ADARB2: variants seen among roughly 807,000 people sequenced by gnomAD.
ADARB2 encodes the protein inactive double-stranded RNA-specific editase B2.
ADARB2 carries 25 observed loss-of-function variants against 62.2 expected under a neutral mutation model. The observed-to-expected ratio is 0.40, with a 90% confidence interval of 0.29 to 0.56. ADARB2 has a LOEUF of 0.56. Ranked by LOEUF, ADARB2 falls within the 20% of genes least tolerant of loss-of-function variation. The pLI is 0.43. For missense variants in ADARB2, 1,071 were observed against 1,077.4 expected, an observed-to-expected ratio of 0.99 and a Z score of 0.08; for synonymous variants, 572 against 500.8, an observed-to-expected ratio of 1.14 and a Z score of -1.90.
At chr10:1,362,392 G>A (rs186768919) in intron 3 of ADARB2, among the ~76,000 whole-genome samples, 168 of 152,302 alleles carry the variant, frequency 1.1e-3, no homozygotes, top group African/African-American at 3.9e-3. Flanking sequence ...TGCTCAAGGC[G>A]CCAAGAACCT....
chr10:1,591,696 C>T (rs10219006), intron 1 of ADARB2, among the ~76,000 whole-genome samples: 3,062 of 152,090 alleles, frequency 0.02, 104 homozygotes, highest in African/African-American at 0.069. Flanking sequence ...CTCACCAGGA[C>T]CCCCCCACCT....
chr10:1,715,028 G>C (rs1231467038), intron 1 of ADARB2, among the ~76,000 whole-genome samples: 1 of 128,488 alleles, frequency 7.8e-6, no homozygotes, highest in East Asian at 2.3e-4. Flanking sequence ...ACAGTCCCCG[G>C]TGTGTGATGT....
intron 1 of ADARB2, among the ~76,000 whole-genome samples, chr10:1,648,597 A>C (rs10794782): frequency 6.6e-6 from 1 of 151,912 alleles, no homozygotes; most frequent in South Asian, 2.1e-4. Context: ...CATACGTATA[A>C]GCGATCAAGA....
intron 1 of ADARB2, among the ~76,000 whole-genome samples, chr10:1,503,104 C>T (rs1284128839): frequency 6.6e-6 from 1 of 152,222 alleles, no homozygotes; most frequent in Admixed American, 6.5e-5. Context: ...GCTATCTCCA[C>T]TATTTAGAGC....
intron 1 of ADARB2, among the ~76,000 whole-genome samples, chr10:1,676,898 C>T (rs906133863): frequency 1.3e-5 from 2 of 152,114 alleles, no homozygotes; most frequent in African/African-American, 4.8e-5. Context: ...GAAACTCAGA[C>T]CTCATGGGTC....
chr10:1,293,508 C>G (rs1032229742), intron 3 of ADARB2, among the ~76,000 whole-genome samples: 7 of 152,188 alleles, frequency 4.6e-5, no homozygotes, highest in African/African-American at 1.7e-4. Context: ...TTGTGAGCAT[C>G]TCGATTTTTC....
intron 4 of ADARB2, among the ~76,000 whole-genome samples, chr10:1,254,055 G>A (rs1012731362): frequency 3.3e-5 from 5 of 151,660 alleles, no homozygotes; most frequent in African/African-American, 7.3e-5. Flanking sequence ...GGGTGAGGTC[G>A]GCTCTGTGGT....
intron 1 of ADARB2, among the ~76,000 whole-genome samples, chr10:1,562,244 TG>T (rs2131986816): frequency 6.6e-6 from 1 of 151,972 alleles, no homozygotes; most frequent in African/African-American, 2.4e-5. Context: ...CATTCTCCTG[TG>T]AGCGTGTTCG....
At chr10:1,436,931 G>A (rs1444809490) in intron 1 of ADARB2, among the ~76,000 whole-genome samples, 1 of 151,862 alleles carries the variant, frequency 6.6e-6, no homozygotes, top group Non-Finnish European at 1.5e-5. Context: ...ATGCTATTTG[G>A]ATAAAAAAAT....
At chr10:1,253,990 TGGTTA>T (rs1480756475) in intron 4 of ADARB2, among the ~76,000 whole-genome samples, 3 of 150,598 alleles carry the variant, frequency 2.0e-5, no homozygotes, top group Non-Finnish European at 4.4e-5. Flanking sequence ...GTGGGCTCTG[TGGTTA>T]GGTTAGAATA....
intron 3 of ADARB2, among the ~76,000 whole-genome samples, chr10:1,299,023 G>C (rs542390784): frequency 7.2e-5 from 11 of 152,096 alleles, no homozygotes; most frequent in African/African-American, 2.2e-4. Flanking sequence ...GGGATGACAG[G>C]TGTGAGCCAC....
At chr10:1,316,832 A>G (rs1184261974) in intron 3 of ADARB2, among the ~76,000 whole-genome samples, 3 of 152,240 alleles carry the variant, frequency 2.0e-5, no homozygotes, top group African/African-American at 7.2e-5. Context: ...AAATACTAAA[A>G]TGATAGATTT....
intron 3 of ADARB2, among the ~76,000 whole-genome samples, chr10:1,331,368 G>C (rs58358801): frequency 1.3e-5 from 2 of 152,210 alleles, no homozygotes; most frequent in African/African-American, 4.8e-5. Context: ...GGATGGATCA[G>C]CTGACAAATG....
intron 1 of ADARB2, among the ~76,000 whole-genome samples, chr10:1,433,033 A>C (rs1830793102): frequency 6.6e-6 from 1 of 152,190 alleles, no homozygotes. Flanking sequence ...CAAGCCAAAA[A>C]AATCTCCCAT....
chr10:1,588,610 T>G (rs1253751602), intron 1 of ADARB2, among the ~76,000 whole-genome samples: 1 of 152,084 alleles, frequency 6.6e-6, no homozygotes, highest in African/African-American at 2.4e-5. Context: ...AGAGAAAACC[T>G]TTCTATGCCT....
At chr10:1,199,214 A>ACCCCCC (rs35859427) in intron 8 of ADARB2, among the ~76,000 whole-genome samples, 1 of 150,574 alleles carries the variant, frequency 6.6e-6, no homozygotes, top group African/African-American at 2.5e-5. Context: ...TCGGAAACCC[A>ACCCCCC]CCCCCCCGCT....
intron 3 of ADARB2, among the ~76,000 whole-genome samples, chr10:1,332,417 GAA>G (rs59497955): frequency 2.6e-4 from 28 of 108,156 alleles, no homozygotes; most frequent in African/African-American, 3.7e-4. Context: ...CCTTGTCTCA[GAA>G]AAAAAAAAAA....
chr10:1,355,406 T>A (rs966743946), intron 3 of ADARB2, among the ~76,000 whole-genome samples: 1 of 152,218 alleles, frequency 6.6e-6, no homozygotes, highest in African/African-American at 2.4e-5. Flanking sequence ...GACTAGACTT[T>A]GGACGTGGGA....
chr10:1,380,529 C>G (rs2820605), intron 1 of ADARB2, among the ~76,000 whole-genome samples: 5 of 152,170 alleles, frequency 3.3e-5, no homozygotes, highest in African/African-American at 1.2e-4. Flanking sequence ...GGCCTTCAGG[C>G]GTCCAGACTC....
Sources: allele counts gnomAD v4.1 joint callset (sites outside exome capture counted in the v4.1 genomes callset), GRCh38; gene constraint gnomAD v4.1.1; transcripts MANE v1.5; gene names NCBI Gene and HGNC (gene_info 2026-07-23, HGNC 2026-07-21).